ZNG1E: variants seen among roughly 807,000 people sequenced by gnomAD.
The protein encoded by ZNG1E is Zn regulated GTPase metalloprotein activator 1E.
chr9:65,663,742 C>T, the ZNG1E span, among the ~76,000 whole-genome samples: 1 of 151,472 alleles, frequency 6.6e-6, no homozygotes, highest in Non-Finnish European at 1.5e-5. Flanking sequence ...TTAAAATTTT[C>T]CATCCATACA....
the ZNG1E span, among the ~76,000 whole-genome samples, chr9:65,664,325 G>C: frequency 1.3e-5 from 2 of 149,818 alleles, no homozygotes; most frequent in African/African-American, 5.0e-5. Flanking sequence ...TGTTGTGGGG[G>C]GACCCGGTGG....
chr9:65,710,668 T>C, the ZNG1E span, among the ~76,000 whole-genome samples: 1 of 151,458 alleles, frequency 6.6e-6, no homozygotes, highest in East Asian at 1.9e-4. Flanking sequence ...TAGTTGTAGA[T>C]ATGCGGCGTT....
At chr9:65,672,640 A>C in the ZNG1E span, among the ~76,000 whole-genome samples, 2 of 151,156 alleles carry the variant, frequency 1.3e-5, no homozygotes, top group African/African-American at 4.9e-5. Context: ...GCTACTCAGG[A>C]AGCTGAGGCA....
At chr9:65,692,281 C>T in the ZNG1E span, among the ~76,000 whole-genome samples, 5 of 30,728 alleles carry the variant, frequency 1.6e-4, 1 homozygote, top group African/African-American at 5.2e-4. Flanking sequence ...TAAGCTTTTT[C>T]AGTGCCAAGG....
the ZNG1E span, among the ~76,000 whole-genome samples, chr9:65,677,899 G>T: frequency 2.6e-5 from 4 of 151,102 alleles, no homozygotes; most frequent in Admixed American, 6.6e-5. Context: ...ATAGCATTTT[G>T]TGCATCTCCT....
At chr9:65,685,148 A>G in the ZNG1E span, among the ~76,000 whole-genome samples, 6 of 152,270 alleles carry the variant, frequency 3.9e-5, no homozygotes, top group African/African-American at 7.2e-5. Context: ...AATTAAAAAT[A>G]TTTATGGCTA....
chr9:65,684,251 T>C, the ZNG1E span, among the ~76,000 whole-genome samples: 12 of 151,894 alleles, frequency 7.9e-5, no homozygotes, highest in Non-Finnish European at 1.5e-4. Flanking sequence ...GATATACAAG[T>C]AAGGGCTGGG....
chr9:65,664,104 C>T, the ZNG1E span, among the ~76,000 whole-genome samples: 1 of 152,134 alleles, frequency 6.6e-6, no homozygotes, highest in Non-Finnish European at 1.5e-5. Context: ...CACCTTATAT[C>T]ACTTATAATT....
the ZNG1E span, among the ~76,000 whole-genome samples, chr9:65,658,986 C>A: frequency 1.3e-5 from 2 of 151,922 alleles, no homozygotes; most frequent in Admixed American, 6.6e-5. Flanking sequence ...TTCTAAACTA[C>A]TGGGGGTTAG....
the ZNG1E span, among the ~76,000 whole-genome samples, chr9:65,714,809 G>C: frequency 2.6e-5 from 4 of 151,916 alleles, no homozygotes; most frequent in Non-Finnish European, 5.9e-5. Context: ...AAAGCTGTCA[G>C]ACAGGGACAC....
At chr9:65,691,738 C>G in the ZNG1E span, among the ~76,000 whole-genome samples, 1 of 152,034 alleles carries the variant, frequency 6.6e-6, no homozygotes, top group African/African-American at 2.4e-5. Context: ...AAACACTCCT[C>G]CCTTACTTTA....
the ZNG1E span, among the ~76,000 whole-genome samples, chr9:65,709,467 G>A: frequency 7.8e-6 from 1 of 128,288 alleles, no homozygotes; most frequent in Non-Finnish European, 1.6e-5. Flanking sequence ...TCGTCATCTA[G>A]CATTAGTTAT....
At chr9:65,726,260 G>T in the ZNG1E span, among the ~76,000 whole-genome samples, 1 of 46,798 alleles carries the variant, frequency 2.1e-5, no homozygotes, top group East Asian at 4.0e-4. Context: ...ACAACCTTCA[G>T]CCCTAGACCT....
At chr9:65,691,275 G>A in the ZNG1E span, among the ~76,000 whole-genome samples, 21 of 149,980 alleles carry the variant, frequency 1.4e-4, no homozygotes, top group East Asian at 5.8e-4. Context: ...TAGAGACGGG[G>A]TTTCGCCATG....
chr9:65,665,225 C>T, the ZNG1E span, among the ~76,000 whole-genome samples: 3 of 152,400 alleles, frequency 2.0e-5, no homozygotes, highest in South Asian at 4.1e-4. Context: ...CATGGCAGCC[C>T]CTCCCATCAC....
chr9:65,710,451 A>T, the ZNG1E span, among the ~76,000 whole-genome samples: 6 of 150,348 alleles, frequency 4.0e-5, no homozygotes, highest in Non-Finnish European at 5.9e-5. Flanking sequence ...CTGAATGGTA[A>T]TGCCTAGGTT....
the ZNG1E span, among the ~76,000 whole-genome samples, chr9:65,658,256 A>T: frequency 3.3e-5 from 5 of 152,156 alleles, no homozygotes; most frequent in African/African-American, 1.2e-4. Flanking sequence ...AACCAGTCTT[A>T]TGCTATTTCA....
At chr9:65,672,484 G>A in the ZNG1E span, among the ~76,000 whole-genome samples, 4 of 150,050 alleles carry the variant, frequency 2.7e-5, no homozygotes, top group Non-Finnish European at 5.9e-5. Flanking sequence ...AGTGGCTCAC[G>A]CCTGTAATCC....
At chr9:65,721,377 C>G in the ZNG1E span, among the ~76,000 whole-genome samples, 2 of 136,676 alleles carry the variant, frequency 1.5e-5, 1 homozygote, top group Admixed American at 1.5e-4. Flanking sequence ...AAAAAAAATT[C>G]GATAACTCAG....
Sources: allele counts gnomAD v4.1 joint callset (sites outside exome capture counted in the v4.1 genomes callset), GRCh38; gene constraint gnomAD v4.1.1; transcripts MANE v1.5; gene names NCBI Gene and HGNC (gene_info 2026-07-23, HGNC 2026-07-21).